ZNF221: variants seen among roughly 807,000 people sequenced by gnomAD.
ZNF221 encodes zinc finger protein 221.
ZNF221 carries 10 observed loss-of-function variants against 12.6 expected under a neutral mutation model. The observed-to-expected ratio is 0.79, with a 90% CI of 0.49 to 1.34. ZNF221 has a LOEUF of 1.34. ZNF221 is among the 40% of genes most tolerant of loss of function. The probability of loss-of-function intolerance (pLI) is 0.00; values close to 1 mark genes in which losing one functional copy is unlikely to be tolerated. For missense variants in ZNF221, 661 were observed against 721.4 expected (o/e 0.92, Z 0.96); for synonymous variants, 232 against 244.0 (o/e 0.95, Z 0.46).
At chr19:43,979,197 C>G in the ZNF221 span, among the ~76,000 whole-genome samples, 1 of 151,930 alleles carries the variant, frequency 6.6e-6, no homozygotes, top group Admixed American at 6.6e-5. Flanking sequence ...TAGGAACACA[C>G]TAAGCATACT....
At chr19:43,963,013 T>A (rs1460685671) in intron 2 of ZNF221, among the ~76,000 whole-genome samples, 3 of 152,236 alleles carry the variant, frequency 2.0e-5, no homozygotes, top group Non-Finnish European at 4.4e-5. Flanking sequence ...CTGTAGTAGA[T>A]AAAATAGTAG....
chr19:43,976,485 T>C, the ZNF221 span, among the ~76,000 whole-genome samples: 1 of 152,062 alleles, frequency 6.6e-6, no homozygotes, highest in East Asian at 1.9e-4. Flanking sequence ...TGCAGTGAGC[T>C]GAGATTGTGC....
chr19:43,960,403 G>A (rs769893318), intron 1 of ZNF221: 7 of 152,224 alleles, frequency 4.6e-5, no homozygotes, highest in Non-Finnish European at 8.8e-5. Context: ...TGGCCATTTA[G>A]TAGAGAAAGA....
At chr19:43,973,732 C>G in the ZNF221 span, among the ~76,000 whole-genome samples, 14 of 152,156 alleles carry the variant, frequency 9.2e-5, no homozygotes, top group African/African-American at 3.4e-4. Context: ...CTACAAACCA[C>G]TGCTCAAAGA....
At chr19:43,954,124 A>G (rs1974718158) in intron 1 of ZNF221, among the ~76,000 whole-genome samples, 1 of 151,548 alleles carries the variant, frequency 6.6e-6, no homozygotes, top group Non-Finnish European at 1.5e-5. Context: ...AACTCAAAAG[A>G]TACCACCACA....
At chr19:43,974,752 C>T in the ZNF221 span, among the ~76,000 whole-genome samples, 2 of 152,126 alleles carry the variant, frequency 1.3e-5, no homozygotes, top group African/African-American at 4.8e-5. Context: ...TGCAGCAGCT[C>T]AAAGTGCTGT....
the ZNF221 span, among the ~76,000 whole-genome samples, chr19:43,975,659 C>A: frequency 6.6e-6 from 1 of 152,136 alleles, no homozygotes; most frequent in East Asian, 1.9e-4. Flanking sequence ...TGTAACAAAC[C>A]TGCACATCCT....
intron 1 of ZNF221, among the ~76,000 whole-genome samples, chr19:43,952,013 A>C: frequency 6.6e-6 from 1 of 151,002 alleles, no homozygotes; most frequent in Non-Finnish European, 1.5e-5. Context: ...AGCTGGGACT[A>C]CAGGCGCCCG....
intron 2 of ZNF221, among the ~76,000 whole-genome samples, chr19:43,963,931 TG>T (rs1473617861): frequency 1.3e-5 from 2 of 152,194 alleles, no homozygotes; most frequent in Non-Finnish European, 2.9e-5. Flanking sequence ...GTAAAAAATT[TG>T]GAAGAAAGTA....
rs747503800 is a variant in ZNF221 at position 43,965,243 on chromosome 19, A to T, written c.219A>T (p.Pro73=). The T allele has an allele frequency of 3.1e-6, 5 of 1,611,818 alleles. No individual in the cohort carries two copies. The South Asian group carries it at 5.5e-5, about 18-fold the overall frequency. Residue 73 remains proline (P), a synonymous_variant, in exon 4 of 5, where the codon CCA becomes CCT. Coordinates refer to ENST00000587682, the MANE Select transcript of ZNF221 (RefSeq NM_001297588.2). The stretch of plus-strand genomic sequence containing the variant: ...ACTGTGTGTTCACAGGGAATCAACC[A>T]TTCCACCAAGATACTTTCCACTTCT... ...FRNLLSVGNQ[P]FHQDTFHFLG...
At chr19:43,958,028 C>A (rs950673807) in intron 1 of ZNF221, among the ~76,000 whole-genome samples, 1 of 152,194 alleles carries the variant, frequency 6.6e-6, no homozygotes, top group Non-Finnish European at 1.5e-5. Context: ...AGTTGGTTAG[C>A]AACTTAGGAT....
At position 43,966,993 on chromosome 19, in the gene ZNF221, G is replaced by A; in HGVS notation, c.1491G>A (p.Gln497=). Residue 497 remains glutamine, a synonymous_variant, in exon 5 of 5, where the codon CAG becomes CAA. Coordinates refer to ENST00000587682, the MANE Select transcript of ZNF221 (RefSeq NM_001297588.2). ...GGGCCTCCTGTCTTTTGAAACATCAGAGACTCCACAGTGGGGAAAAACCTT... is the reference window on the plus strand; with the variant it reads ...GGGCCTCCTGTCTTTTGAAACATCAAAGACTCCACAGTGGGGAAAAACCTT... The part of the protein sequence containing the change: ...FGWASCLLKH[Q]RLHSGEKPFK... 6.2e-7 allele frequency: 1 copy of A among 1,613,588 alleles called. No homozygotes were observed. Among genetic ancestry groups the A allele is most frequent in the South Asian group, 1.1e-5 (1 of 91,044 alleles).
chr19:43,953,115 C>T (rs1346263671), intron 1 of ZNF221, among the ~76,000 whole-genome samples: 1 of 152,016 alleles, frequency 6.6e-6, no homozygotes, highest in Non-Finnish European at 1.5e-5. Flanking sequence ...TATAGGCACA[C>T]ACCACCCCAT....
Position 43,967,191 on chromosome 19 carries a change from T to C in ZNF221, c.1689T>C (p.Asn563=). ...QRVHGGERPY[N]CKECGKSFGW... ...TCCACGGGGGAGAGCGACCCTATAA[T>C]TGTAAGGAATGTGGAAAGAGCTTTG... The change falls in exon 5 of 5, where the codon AAT becomes AAC. Residue 563 remains asparagine, a synonymous_variant. Coordinates refer to ENST00000587682, the MANE Select transcript of ZNF221 (RefSeq NM_001297588.2). The C allele has an allele frequency of 6.3e-7, 1 of 1,594,270 alleles. No individual in the cohort carries two copies. Among genetic ancestry groups the C allele is most frequent in the South Asian group, 1.1e-5 (1 of 88,914 alleles).
At chr19:43,952,987 GAC>G (rs1974698382) in intron 1 of ZNF221, among the ~76,000 whole-genome samples, 1 of 151,958 alleles carries the variant, frequency 6.6e-6, no homozygotes, top group Admixed American at 6.6e-5. Flanking sequence ...AATTTTCTGA[GAC>G]AGAGTCTCAC....
At position 43,963,503 on chromosome 19, in the gene ZNF221, C is replaced by T. The variant is rs531897557; in HGVS notation, c.81+696C>T. On this transcript the variant is annotated intron_variant, in intron 2 of 4. Transcript: ENST00000587682. ...AGAGCTAGATTCTGTGTTTGCCATGCCTTACTCATACCTTGTATGCATGTT... is the reference window on the plus strand; with the variant it reads ...AGAGCTAGATTCTGTGTTTGCCATGTCTTACTCATACCTTGTATGCATGTT... Among the ~76,000 whole-genome samples, 9 of 152,294 alleles carry T rather than the reference C, an allele frequency of 5.9e-5. No individual in the cohort carries two copies. The South Asian group carries it at 1.2e-3, about 21-fold the overall frequency.
the ZNF221 span, among the ~76,000 whole-genome samples, chr19:43,975,418 C>T: frequency 6.6e-6 from 1 of 152,150 alleles, no homozygotes; most frequent in Non-Finnish European, 1.5e-5. Context: ...AGCCGTTATC[C>T]TCAGCAAACT....
At position 43,962,712 on chromosome 19, in the gene ZNF221, T is replaced by G; in HGVS notation, c.-2-13T>G. The G allele has an allele frequency of 6.2e-7, 1 of 1,613,800 alleles. No individual in the cohort carries two copies. Among genetic ancestry groups the G allele is most frequent in the South Asian group, 1.1e-5 (1 of 91,082 alleles). On this transcript the variant is annotated splice_polypyrimidine_tract_variant and intron_variant, in intron 1 of 4. Transcript: ENST00000587682. ...TTCCTGTCTGTTTTTCTGCCTTTCC[T>G]GGCACTTTCCAGGCATGATTTCACC...
chr19:43,953,197 C>G (rs888629952), intron 1 of ZNF221, among the ~76,000 whole-genome samples: 1 of 151,888 alleles, frequency 6.6e-6, no homozygotes, highest in South Asian at 2.1e-4. Context: ...GTGATCTGCC[C>G]ACCTCAGCCT....
Sources: allele counts gnomAD v4.1 joint callset (sites outside exome capture counted in the v4.1 genomes callset), GRCh38; gene constraint gnomAD v4.1.1; transcripts MANE v1.5; gene names NCBI Gene and HGNC (gene_info 2026-07-23, HGNC 2026-07-21).